The following SORCS3 variants were observed in gnomAD, a reference collection of about 807,000 sequenced individuals.
SORCS3 encodes the protein VPS10 domain-containing receptor SorCS3.
SORCS3 carries 57 observed loss-of-function variants against 146.3 expected under a neutral mutation model. That is an observed-to-expected ratio of 0.39 (90% CI 0.31 to 0.49). The LOEUF is 0.49. Among genes scored for constraint, SORCS3 ranks in the 20% least tolerant of loss-of-function variants. The pLI, the probability that SORCS3 is intolerant of heterozygous loss-of-function variation, is 0.92. For missense variants in SORCS3, 1,341 were observed against 1,575.5 expected, an observed-to-expected ratio of 0.85 and a Z score of 2.52; for synonymous variants, 653 against 618.5, an observed-to-expected ratio of 1.06 and a Z score of -0.83.
chr10:104,997,710 T>C (rs2055035934), intron 4 of SORCS3, among the ~76,000 whole-genome samples: 1 of 152,218 alleles, frequency 6.6e-6, no homozygotes, highest in Non-Finnish European at 1.5e-5. Flanking sequence ...TTCTTCAATG[T>C]CTGTGTCATG....
intron 4 of SORCS3, among the ~76,000 whole-genome samples, chr10:105,027,671 C>T (rs1219993771): frequency 6.6e-6 from 1 of 152,180 alleles, no homozygotes; most frequent in African/African-American, 2.4e-5. Flanking sequence ...CAACACTCTG[C>T]CTTCTGGCTC....
intron 25 of SORCS3, among the ~76,000 whole-genome samples, 168 bp downstream of exon 25, chr10:105,257,092 T>C (rs1433678854): frequency 6.6e-6 from 1 of 152,216 alleles, no homozygotes; most frequent in Non-Finnish European, 1.5e-5. Flanking sequence ...ATGGATTAAA[T>C]GGGTTTGAGA....
rs186537448 is a variant in SORCS3, at chr10:105,140,841, A to T, written c.1302+1355A>T. Among the ~76,000 whole-genome samples, 35 of 152,262 alleles carry T rather than the reference A, an allele frequency of 2.3e-4. No homozygotes were observed. The East Asian group carries it at 6.8e-3, about 29-fold the overall frequency. On this transcript the variant is annotated intron_variant, in intron 8 of 26. Coordinates refer to ENST00000369701, the MANE Select transcript of SORCS3 (RefSeq NM_014978.3). ...ATCTACCCTCTCTCTGATCAGAGAT[A>T]AGCTTTATGGGACCATTGTATAGTA... is the stretch of plus-strand genomic sequence containing the variant.
intron 1 of SORCS3, among the ~76,000 whole-genome samples, chr10:104,789,757 G>A (rs1025996896): frequency 6.6e-6 from 1 of 152,202 alleles, no homozygotes; most frequent in Non-Finnish European, 1.5e-5. Flanking sequence ...AAGTGTAGCT[G>A]TATGTGGGGA....
intron 3 of SORCS3, among the ~76,000 whole-genome samples, chr10:104,955,006 T>TTAAATAAA (rs1156736746): frequency 6.6e-6 from 1 of 152,236 alleles, no homozygotes; most frequent in Non-Finnish European, 1.5e-5. Flanking sequence ...AAATTCACTA[T>TTAAATAAA]TAACTAAATA....
intron 9 of SORCS3, among the ~76,000 whole-genome samples, chr10:105,148,886 T>C (rs1247049936): frequency 2.0e-5 from 3 of 152,214 alleles, no homozygotes; most frequent in East Asian, 3.9e-4. Context: ...CCATCTGGAA[T>C]TGTAGTCCCC....
chr10:105,185,401 G>A (rs1047971061), intron 14 of SORCS3, among the ~76,000 whole-genome samples: 1 of 152,122 alleles, frequency 6.6e-6, no homozygotes, highest in Non-Finnish European at 1.5e-5. Context: ...GAAGCTGCAT[G>A]GCAACTGCCC....
At chr10:104,868,852 C>T (rs904836869) in intron 2 of SORCS3, among the ~76,000 whole-genome samples, 37 of 152,010 alleles carry the variant, frequency 2.4e-4, no homozygotes, top group African/African-American at 8.7e-4. Flanking sequence ...TATCATATAC[C>T]CAGTCAGACA....
chr10:104,761,854 A>G (rs888825037), intron 1 of SORCS3, among the ~76,000 whole-genome samples: 4 of 152,216 alleles, frequency 2.6e-5, no homozygotes, highest in African/African-American at 4.8e-5. Flanking sequence ...TTGGGGTGGT[A>G]TCTTATCAGC....
intron 5 of SORCS3, among the ~76,000 whole-genome samples, chr10:105,054,495 T>C (rs2055433323): frequency 6.6e-6 from 1 of 151,914 alleles, no homozygotes. Flanking sequence ...ATCTAGTGAC[T>C]ATATAACAAT....
At chr10:105,260,030 G>A (rs1306094843) in intron 25 of SORCS3, among the ~76,000 whole-genome samples, 3 of 152,108 alleles carry the variant, frequency 2.0e-5, no homozygotes. Context: ...GAAATGAAAA[G>A]CAACTTGACA....
At chr10:104,863,168 A>C (rs545395143) in intron 2 of SORCS3, among the ~76,000 whole-genome samples, 1 of 152,304 alleles carries the variant, frequency 6.6e-6, no homozygotes, top group Non-Finnish European at 1.5e-5. Context: ...CCCTGTTCAT[A>C]ACCAAGGAGT....
intron 3 of SORCS3, among the ~76,000 whole-genome samples, chr10:104,971,556 G>A (rs1011069655): frequency 6.6e-6 from 1 of 152,150 alleles, no homozygotes; most frequent in African/African-American, 2.4e-5. Flanking sequence ...TGGGGCATCT[G>A]GAGCTCAAGG....
intron 1 of SORCS3, among the ~76,000 whole-genome samples, chr10:104,684,371 G>A (rs956053655): frequency 4.6e-5 from 7 of 152,168 alleles, no homozygotes; most frequent in African/African-American, 1.4e-4. Flanking sequence ...TTGGTGATTT[G>A]GTTGCATTCT....
At chr10:105,043,682 T>C (rs2133704878) in intron 5 of SORCS3, among the ~76,000 whole-genome samples, 1 of 152,270 alleles carries the variant, frequency 6.6e-6, no homozygotes, top group East Asian at 1.9e-4. Context: ...GAATGAAGAA[T>C]TCTGCCAAAC....
chr10:104,933,263 T>C (rs2019226466), intron 3 of SORCS3, among the ~76,000 whole-genome samples: 1 of 152,114 alleles, frequency 6.6e-6, no homozygotes, highest in Non-Finnish European at 1.5e-5. Flanking sequence ...CCTTTCTATC[T>C]TGCTGCTCTG....
intron 1 of SORCS3, among the ~76,000 whole-genome samples, chr10:104,729,051 C>G (rs2133451566): frequency 6.6e-6 from 1 of 152,244 alleles, no homozygotes; most frequent in African/African-American, 2.4e-5. Context: ...GCAATTATTC[C>G]TATTTTCAAA....
chr10:105,047,045 TA>T (rs2055377445), intron 5 of SORCS3, among the ~76,000 whole-genome samples: 4 of 152,208 alleles, frequency 2.6e-5, no homozygotes, highest in Admixed American at 1.3e-4. Context: ...TTTTAATATT[TA>T]AAAAAATATA....
chr10:105,209,294 C>T (rs937557612), intron 16 of SORCS3, among the ~76,000 whole-genome samples: 19 of 152,046 alleles, frequency 1.2e-4, no homozygotes, highest in Admixed American at 1.3e-4. Context: ...GCTCCTGCCA[C>T]CATGCCTGGT....
Sources: gnomAD v4.1 joint callset for allele counts (sites outside exome capture counted in the v4.1 genomes callset) on GRCh38, gnomAD v4.1.1 for gene constraint, MANE v1.5 for transcripts, NCBI Gene and HGNC (gene_info 2026-07-23, HGNC 2026-07-21) for gene names.